LPCAT2: variants seen among roughly 807,000 people sequenced by gnomAD.
The protein encoded by LPCAT2 is lysophosphatidylcholine acyltransferase 2.
A neutral mutation model predicts 64.7 loss-of-function variants in LPCAT2; 58 were observed. That is an observed-to-expected ratio of 0.90 (90% confidence interval 0.73 to 1.12). The LOEUF (loss-of-function observed/expected upper bound fraction) is 1.12. Among genes scored for constraint, LPCAT2 ranks in the 50% most tolerant of loss-of-function variants. The pLI is 0.00. For synonymous variants in LPCAT2, 252 were observed against 245.3 expected, an observed-to-expected ratio of 1.03 and a Z score of -0.26; for missense variants, 579 against 669.8, an observed-to-expected ratio of 0.86 and a Z score of 1.50.
chr16:55,549,299 G>T lies in LPCAT2; in HGVS notation c.958G>T (p.Asp320Tyr). 6.3e-7 allele frequency: 1 copy of T among 1,594,260 alleles called. No homozygotes were observed. ...TAGAGCTCTGGGAATACCAGTAACA[G>T]ATCATACCTATGAAGACTGCAGATT... ...MAEALGIPVTDHTYEDCRLMI... is the reference protein window; with the variant it reads ...MAEALGIPVTYHTYEDCRLMI... The change falls in exon 10 of 14, where the codon GAT (aspartate) becomes TAT (tyrosine). Residue 320 changes from aspartate (D) to tyrosine (Y), a missense_variant. Physicochemically the swap from Asp to Tyr is radical, Grantham distance 160. Transcript: ENST00000262134.
At chr16:55,540,059 C>T (rs1963377094) in intron 8 of LPCAT2, 2 of 152,088 alleles carry the variant, frequency 1.3e-5, no homozygotes, top group South Asian at 4.2e-4. Context: ...GTAATCATGA[C>T]TACCAAAGTC....
At chr16:55,548,362 G>A (rs778171003) in intron 9 of LPCAT2, among the ~76,000 whole-genome samples, 2 of 152,160 alleles carry the variant, frequency 1.3e-5, no homozygotes, top group Non-Finnish European at 2.9e-5. Flanking sequence ...GATGGAGGAT[G>A]TTTAGGTTTA....
At chr16:55,517,670 G>C (rs1283532212) in intron 1 of LPCAT2, among the ~76,000 whole-genome samples, 1 of 152,082 alleles carries the variant, frequency 6.6e-6, no homozygotes, top group East Asian at 1.9e-4. Flanking sequence ...GCCCAAAAAT[G>C]TAATGTTCGT....
intron 11 of LPCAT2, among the ~76,000 whole-genome samples, chr16:55,563,520 G>A (rs1963659704): frequency 6.6e-6 from 1 of 151,850 alleles, no homozygotes; most frequent in Non-Finnish European, 1.5e-5. Flanking sequence ...GATCAAGTGG[G>A]ATTTATTCCT....
At chr16:55,567,004 A>C in intron 11 of LPCAT2, 1 of 1,613,934 alleles carries the variant, frequency 6.2e-7, no homozygotes, top group Non-Finnish European at 8.5e-7. Context: ...CGATTTCGGC[A>C]ACAATTTACA....
intron 1 of LPCAT2, among the ~76,000 whole-genome samples, chr16:55,525,206 C>G (rs745723802): frequency 3.9e-5 from 6 of 152,118 alleles, no homozygotes; most frequent in Non-Finnish European, 5.9e-5. Flanking sequence ...TCCCTGGCTG[C>G]TAAATCATAT....
chr16:55,514,508 A>G (rs532555213), intron 1 of LPCAT2, among the ~76,000 whole-genome samples: 1 of 152,358 alleles, frequency 6.6e-6, no homozygotes, highest in East Asian at 1.9e-4. Flanking sequence ...AGTAGCCACA[A>G]TGACAAAGAA....
chr16:55,533,818 A>C (rs1482198765), intron 6 of LPCAT2, among the ~76,000 whole-genome samples: 1 of 152,162 alleles, frequency 6.6e-6, no homozygotes, highest in Non-Finnish European at 1.5e-5. Context: ...ATTTTCCTAA[A>C]GAAAGATTTT....
chr16:55,549,442 T>C, intron 10 of LPCAT2, 40 bp downstream of exon 10: 1 of 1,535,448 alleles, frequency 6.5e-7, no homozygotes, highest in East Asian at 2.4e-5. Context: ...CATAAAGTTG[T>C]CCAAAAGGGA....
At chr16:55,522,278 A>C (rs2142394184) in intron 1 of LPCAT2, among the ~76,000 whole-genome samples, 1 of 151,818 alleles carries the variant, frequency 6.6e-6, no homozygotes, top group South Asian at 2.1e-4. Context: ...CTTAGGAAAA[A>C]CCATATAAGA....
chr16:55,533,775 C>T (rs1425357279), intron 6 of LPCAT2, among the ~76,000 whole-genome samples: 7 of 152,032 alleles, frequency 4.6e-5, no homozygotes, highest in South Asian at 2.1e-4. Flanking sequence ...CAGTTGGGTA[C>T]ATTGTTGTCC....
chr16:55,531,988 A>T lies in LPCAT2; in HGVS notation c.703+14A>T. On this transcript the variant is annotated intron_variant, in intron 5 of 13. Transcript: ENST00000262134. ...CTTTTAAACCAGGTGAGAAAAATTAAATTATGTATTCTAACAAAGTAATAT... is the reference window on the plus strand; with the variant it reads ...CTTTTAAACCAGGTGAGAAAAATTATATTATGTATTCTAACAAAGTAATAT... The T allele has an allele frequency of 6.9e-7, 1 of 1,459,070 alleles. No homozygotes were observed. Among genetic ancestry groups the T allele is most frequent in the East Asian group, 2.3e-5 (1 of 44,030 alleles). The allele number at this position is 1,459,070 out of a possible 1,614,324, so 90.4% of individuals were successfully genotyped here.
chr16:55,547,896 T>C (rs1448432916), intron 9 of LPCAT2, among the ~76,000 whole-genome samples: 1 of 152,006 alleles, frequency 6.6e-6, no homozygotes, highest in Non-Finnish European at 1.5e-5. Context: ...GCCTCCTGAG[T>C]AGCTGGGATT....
intron 9 of LPCAT2, 89 bp from the exon 10 acceptor site, chr16:55,549,188 G>A (rs1199529197): frequency 4.1e-5 from 43 of 1,049,608 alleles, no homozygotes; most frequent in Non-Finnish European, 5.9e-5. Flanking sequence ...TTCATTTGCT[G>A]TCGTTTGGAA....
In LPCAT2 at chr16:55,585,365, G is replaced by A. The variant is rs1963933245; in HGVS notation, c.*2267G>A. On this transcript the variant is annotated 3_prime_UTR_variant, in exon 14 of 14. Coordinates refer to ENST00000262134, the MANE Select transcript of LPCAT2 (RefSeq NM_017839.5). ...AAGTAGCAATATTCTTAAAGATGTT[G>A]AATTTTGACTGGTTGAATTTTATAT... 1 of 152,106 alleles carries A rather than the reference G, an allele frequency of 6.6e-6. No individual in the cohort carries two copies. Among genetic ancestry groups the A allele is most frequent in the Admixed American group, 6.6e-5 (1 of 15,260 alleles). The allele number at this position is 152,106 out of a possible 1,614,324, so 9.4% of individuals were successfully genotyped here. A position where few individuals can be genotyped will look rare whatever the true frequency, so the allele number is the denominator to read the frequency against.
chr16:55,550,215 G>A (rs1963500623), intron 10 of LPCAT2, among the ~76,000 whole-genome samples: 2 of 152,186 alleles, frequency 1.3e-5, no homozygotes, highest in Admixed American at 6.5e-5. Flanking sequence ...GTTAGTCACT[G>A]AAATTGGGCT....
chr16:55,543,832 G>A (rs1006820521), intron 8 of LPCAT2, among the ~76,000 whole-genome samples: 4 of 152,196 alleles, frequency 2.6e-5, no homozygotes, highest in Admixed American at 6.5e-5. Flanking sequence ...AGGATCACAC[G>A]GCAGATCTCA....
At position 55,529,808 on chromosome 16, in the gene LPCAT2, G is replaced by C. The variant is rs749353909; in HGVS notation, c.530-27G>C. ...GGTTGCTTTAGCCAAAAAATGGCTT[G>C]CCTGTAACTTTTCATTTGTTTTAAA... On this transcript the variant is annotated intron_variant, in intron 3 of 13. Coordinates refer to ENST00000262134, the MANE Select transcript of LPCAT2 (RefSeq NM_017839.5). 8 of 1,484,418 alleles carry C rather than the reference G, an allele frequency of 5.4e-6. No individual in the cohort carries two copies. In the African/African-American group the frequency reaches 9.7e-5, roughly 18 times the overall value. 92.0% of individuals were successfully genotyped at this position (1,484,418 alleles called of 1,614,324 possible). A position where few individuals can be genotyped will look rare whatever the true frequency, so the allele number is the denominator to read the frequency against.
chr16:55,534,546 A>T (rs1322620193), intron 7 of LPCAT2, 69 bp downstream of exon 7: 8 of 731,540 alleles, frequency 1.1e-5, no homozygotes, highest in African/African-American at 1.9e-5. Context: ...AAGATCATTT[A>T]TTCATTCTTT....
Sources: allele counts gnomAD v4.1 joint callset (sites outside exome capture counted in the v4.1 genomes callset), GRCh38; gene constraint gnomAD v4.1.1; transcripts MANE v1.5; gene names NCBI Gene and HGNC (gene_info 2026-07-23, HGNC 2026-07-21).